The following LRP12 variants were observed in gnomAD, a reference collection of about 807,000 sequenced individuals.
LRP12 encodes LDL receptor related protein 12.
Under a neutral mutation model 66.0 loss-of-function variants are expected in LRP12, and 14 were observed. That is an observed-to-expected ratio of 0.21 (90% CI 0.14 to 0.33). LRP12 has a LOEUF of 0.33. Ranked by LOEUF, LRP12 falls within the 10% of genes least tolerant of loss-of-function variation. The pLI, the probability that LRP12 is intolerant of heterozygous loss-of-function variation, is 1.00. For missense variants in LRP12, 889 were observed against 1,053.4 expected (o/e 0.84, Z 2.16); for synonymous variants, 357 against 359.1 (o/e 0.99, Z 0.07).
At chr8:104,510,431 T>C (rs556275533) in intron 2 of LRP12, among the ~76,000 whole-genome samples, 1 of 152,336 alleles carries the variant, frequency 6.6e-6, no homozygotes, top group South Asian at 2.1e-4. Context: ...AAAATCTTCA[T>C]GCATATAGAA....
At chr8:104,561,462 C>A (rs1174186590) in intron 1 of LRP12, among the ~76,000 whole-genome samples, 1 of 152,186 alleles carries the variant, frequency 6.6e-6, no homozygotes, top group East Asian at 1.9e-4. Context: ...CTGAATAAAT[C>A]ATTTCATTAG....
chr8:104,585,335 C>A (rs1274671631), intron 1 of LRP12, among the ~76,000 whole-genome samples: 1 of 152,208 alleles, frequency 6.6e-6, no homozygotes, highest in Non-Finnish European at 1.5e-5. Context: ...AAGTGATTCT[C>A]CTGCCTCAGC....
At chr8:104,583,499 GT>G (rs1812286903) in intron 1 of LRP12, among the ~76,000 whole-genome samples, 1 of 152,136 alleles carries the variant, frequency 6.6e-6, no homozygotes, top group African/African-American at 2.4e-5. Flanking sequence ...CTCTGTGCCT[GT>G]TACTCACTAT....
chr8:104,533,901 T>C (rs533070599), intron 1 of LRP12, among the ~76,000 whole-genome samples: 1 of 152,158 alleles, frequency 6.6e-6, no homozygotes, highest in East Asian at 1.9e-4. Context: ...AATGTAATAT[T>C]GAAGATTGTG....
chr8:104,556,582 T>G (rs1159619648), intron 1 of LRP12, among the ~76,000 whole-genome samples: 1 of 151,870 alleles, frequency 6.6e-6, no homozygotes, highest in Non-Finnish European at 1.5e-5. Flanking sequence ...AAACAGAAAC[T>G]CTGAACAGAT....
intron 1 of LRP12, among the ~76,000 whole-genome samples, chr8:104,563,240 T>C (rs1811943147): frequency 6.6e-6 from 1 of 152,160 alleles, no homozygotes. Context: ...ACAGATTCAT[T>C]TGCTTAACAA....
At chr8:104,537,723 T>C (rs761455751) in intron 1 of LRP12, among the ~76,000 whole-genome samples, 2 of 152,090 alleles carry the variant, frequency 1.3e-5, no homozygotes, top group African/African-American at 2.4e-5. Context: ...TATAGATATA[T>C]GACCTAACAA....
intron 2 of LRP12, among the ~76,000 whole-genome samples, chr8:104,523,691 T>C (rs1014418007): frequency 5.9e-5 from 9 of 152,098 alleles, no homozygotes; most frequent in Non-Finnish European, 1.0e-4. Flanking sequence ...ACTGGATCCA[T>C]ACAAAGTGCC....
At chr8:104,507,477 T>C (rs1445691119) in intron 3 of LRP12, 1 of 152,196 alleles carries the variant, frequency 6.6e-6, no homozygotes, top group Admixed American at 6.5e-5. Context: ...GGTAAGATTT[T>C]CAAGTTTTAC....
chr8:104,522,526 T>C (rs1156257412), intron 2 of LRP12, among the ~76,000 whole-genome samples: 1 of 152,112 alleles, frequency 6.6e-6, no homozygotes, highest in Non-Finnish European at 1.5e-5. Context: ...CAGATTTGCC[T>C]GACAGAAGAT....
intron 1 of LRP12, among the ~76,000 whole-genome samples, chr8:104,574,861 T>C (rs911937121): frequency 1.3e-5 from 2 of 152,236 alleles, no homozygotes; most frequent in African/African-American, 4.8e-5. Flanking sequence ...AAACTACATA[T>C]GTGATTTACA....
intron 2 of LRP12, among the ~76,000 whole-genome samples, chr8:104,514,264 A>G (rs767629225): frequency 6.6e-6 from 1 of 152,126 alleles, no homozygotes. Flanking sequence ...ATGGCTTCCC[A>G]GTCCCAACTT....
chr8:104,547,817 ATACTTTGTATATAATATATAATTCTATG>A (rs1811619425), intron 1 of LRP12, among the ~76,000 whole-genome samples: 1 of 126,456 alleles, frequency 7.9e-6, no homozygotes, highest in African/African-American at 3.0e-5. Flanking sequence ...ATAATTCTAT[ATACTTTGTATATAATATATAATTCTATG>A]TTATATTTTG....
At chr8:104,510,697 G>A (rs1039280638) in intron 2 of LRP12, among the ~76,000 whole-genome samples, 1 of 152,158 alleles carries the variant, frequency 6.6e-6, no homozygotes, top group Non-Finnish European at 1.5e-5. Context: ...AGTGGGGAGA[G>A]TAGCTGCCAG....
At chr8:104,495,323 A>T (rs1209122380) in intron 5 of LRP12, 114 bp from the exon 6 acceptor site, 1 of 1,080,986 alleles carries the variant, frequency 9.3e-7, no homozygotes, top group Non-Finnish European at 1.3e-6. Context: ...ATCATTTTAA[A>T]GCTTAGTCAT....
intron 1 of LRP12, among the ~76,000 whole-genome samples, chr8:104,574,924 A>G (rs1812139167): frequency 6.6e-6 from 1 of 152,192 alleles, no homozygotes; most frequent in Admixed American, 6.5e-5. Context: ...CTTAGTTTTG[A>G]GGAACCAGGA....
intron 1 of LRP12, among the ~76,000 whole-genome samples, chr8:104,543,197 T>G (rs552759855): frequency 6.6e-6 from 1 of 152,200 alleles, no homozygotes; most frequent in South Asian, 2.1e-4. Flanking sequence ...GTTTTTCTGT[T>G]GTTGTTTTGT....
chr8:104,497,737 G>T lies in LRP12; in HGVS notation c.815C>A (p.Ser272Tyr). ...AGGATAAAAGTCTGGATAATTGGGA[G>T]AATTAAAAGTACCATAAAAATATTT... Reference protein sequence around the residue: ...WLKYFYGTFNSPNYPDFYPPG... With the variant: ...WLKYFYGTFNYPNYPDFYPPG... The change falls in exon 5 of 7, where the codon TCT becomes TAT. Residue 272 changes from serine (S) to tyrosine (Y), a missense_variant. This residue lies in a region of LRP12 where 800 missense variants were observed against 964.5 expected (regional missense o/e 0.83). Coordinates refer to ENST00000276654, the MANE Select transcript of LRP12 (RefSeq NM_013437.5). The surrounding 1 kb of genome is among the most constrained non-coding windows in gnomAD (Gnocchi z 4.3). 2 of 1,613,676 alleles carry T rather than the reference G, an allele frequency of 1.2e-6. No individual in the cohort carries two copies. The highest frequency in any genetic ancestry group is 1.7e-6 in the Non-Finnish European group (2 of 1,179,834).
In LRP12 at chr8:104,505,861, C is replaced by T. The variant is rs1333601657; in HGVS notation, c.272+3078G>A. ...GTCCAAGTAAGAATATTCGGTGTTTCTCCTGTCCCCTCAAAAATCACAAAT... is the reference window on the plus strand; with the variant it reads ...GTCCAAGTAAGAATATTCGGTGTTTTTCCTGTCCCCTCAAAAATCACAAAT... On this transcript the variant is annotated intron_variant, in intron 3 of 6. Coordinates refer to ENST00000276654, the MANE Select transcript of LRP12 (RefSeq NM_013437.5). 4 of 152,094 alleles carry T rather than the reference C, an allele frequency of 2.6e-5. No individual in the cohort carries two copies. In the East Asian group the frequency reaches 7.7e-4, roughly 29 times the overall value. The allele number at this position is 152,094 out of a possible 1,614,324, so 9.4% of individuals were successfully genotyped here.
Sources: gnomAD v4.1 joint callset for allele counts (sites outside exome capture counted in the v4.1 genomes callset) on GRCh38, gnomAD v4.1.1 for gene constraint, gnomAD v4.1.1 regional missense constraint, Gnocchi (gnomAD v3.1) non-coding constraint, MANE v1.5 for transcripts, NCBI Gene and HGNC (gene_info 2026-07-23, HGNC 2026-07-21) for gene names.